Variants in CDK14 observed in about 807,000 individuals in gnomAD.
The protein encoded by CDK14 is cyclin dependent kinase 14.
CDK14 carries 34 observed loss-of-function variants against 60.7 expected under a neutral mutation model. That is an observed-to-expected ratio of 0.56 (90% CI 0.43 to 0.75). The LOEUF is 0.75. CDK14 is among the 30% of genes least tolerant of loss of function. CDK14 has a pLI of 0.00. For synonymous variants in CDK14, 197 were observed against 203.7 expected (o/e 0.97, Z 0.28); for missense variants, 482 against 564.1 (o/e 0.85, Z 1.47).
chr7:91,012,866 T>C (rs187515187), intron 10 of CDK14, among the ~76,000 whole-genome samples: 1 of 152,182 alleles, frequency 6.6e-6, no homozygotes, highest in Admixed American at 6.5e-5. Context: ...AGGGGTAGTG[T>C]GTAAGTGAAA....
chr7:90,942,231 C>G (rs1176678539), intron 8 of CDK14, among the ~76,000 whole-genome samples: 1 of 152,098 alleles, frequency 6.6e-6, no homozygotes, highest in Non-Finnish European at 1.5e-5. Context: ...ACCTGGAATT[C>G]AGGCCCTACA....
chr7:90,913,166 A>G (rs1792962533), intron 7 of CDK14, among the ~76,000 whole-genome samples: 1 of 152,174 alleles, frequency 6.6e-6, no homozygotes, highest in Non-Finnish European at 1.5e-5. Flanking sequence ...ACAACAACCA[A>G]GAGAAGTGAT....
At chr7:90,661,049 C>T (rs1800856800) in intron 2 of CDK14, among the ~76,000 whole-genome samples, 1 of 152,148 alleles carries the variant, frequency 6.6e-6, no homozygotes, top group Non-Finnish European at 1.5e-5. Context: ...GACTGCTTGG[C>T]TTTTAGAGAT....
At chr7:91,060,970 T>C (rs936844746) in intron 11 of CDK14, among the ~76,000 whole-genome samples, 1 of 152,352 alleles carries the variant, frequency 6.6e-6, no homozygotes. Flanking sequence ...GGGGAAGTTC[T>C]CCTGGATAAT....
At chr7:90,626,685 A>T (rs1323287068) in intron 2 of CDK14, among the ~76,000 whole-genome samples, 3 of 152,216 alleles carry the variant, frequency 2.0e-5, no homozygotes, top group Non-Finnish European at 4.4e-5. Context: ...CAGGCCTATA[A>T]TCCTAGGTCT....
At chr7:90,773,801 GTCTTC>G (rs1010685641) in intron 4 of CDK14, among the ~76,000 whole-genome samples, 22 of 149,580 alleles carry the variant, frequency 1.5e-4, no homozygotes, top group East Asian at 1.0e-3. Flanking sequence ...ACTGGCATAG[GTCTTC>G]TCTTCTCTTC....
chr7:91,013,851 G>C (rs1758968658), intron 10 of CDK14, among the ~76,000 whole-genome samples: 1 of 151,804 alleles, frequency 6.6e-6, no homozygotes, highest in Admixed American at 6.6e-5. Context: ...GCACAGGAGG[G>C]AATTCTAGAG....
chr7:90,949,032 C>G (rs576437275), intron 8 of CDK14, among the ~76,000 whole-genome samples: 1 of 151,922 alleles, frequency 6.6e-6, no homozygotes, highest in East Asian at 1.9e-4. Flanking sequence ...TTTTTATTTT[C>G]TATGCAAAAA....
intron 7 of CDK14, among the ~76,000 whole-genome samples, chr7:90,908,344 A>G (rs1242953869): frequency 6.6e-6 from 1 of 152,084 alleles, no homozygotes; most frequent in Non-Finnish European, 1.5e-5. Flanking sequence ...GTTCGTAACA[A>G]TTTGGATCCA....
chr7:90,811,608 T>C (rs1265503015), intron 5 of CDK14, among the ~76,000 whole-genome samples: 3 of 151,248 alleles, frequency 2.0e-5, no homozygotes, highest in Non-Finnish European at 4.4e-5. Context: ...AAAGCCAAAA[T>C]TGACAAATGG....
At chr7:90,764,507 G>A (rs1182296383) in intron 4 of CDK14, among the ~76,000 whole-genome samples, 2 of 152,136 alleles carry the variant, frequency 1.3e-5, no homozygotes, top group Non-Finnish European at 2.9e-5. Context: ...CTACTAGTAG[G>A]AATTGTAACA....
intron 10 of CDK14, among the ~76,000 whole-genome samples, chr7:90,995,100 C>T (rs1408371183): frequency 6.6e-6 from 1 of 152,130 alleles, no homozygotes; most frequent in Admixed American, 6.5e-5. Flanking sequence ...CCTCGTTACT[C>T]ACTTCTAATG....
intron 2 of CDK14, among the ~76,000 whole-genome samples, chr7:90,618,145 T>C (rs750456514): frequency 1.2e-4 from 19 of 152,186 alleles, no homozygotes; most frequent in Admixed American, 6.5e-5. Flanking sequence ...TTTTATTTCA[T>C]ATTATGACAG....
chr7:91,114,883 C>T (rs2116362612), intron 13 of CDK14, among the ~76,000 whole-genome samples: 1 of 152,222 alleles, frequency 6.6e-6, no homozygotes, highest in South Asian at 2.1e-4. Context: ...ACTTTGGAGA[C>T]TTAGGGAATT....
chr7:91,079,282 T>C, intron 11 of CDK14, 150 bp from the exon 12 acceptor site: 1 of 556,982 alleles, frequency 1.8e-6, no homozygotes, highest in South Asian at 2.8e-5. Context: ...TTACTCTTTA[T>C]AACTGCCCAG....
chr7:90,747,266 A>T (rs757937314), intron 3 of CDK14, among the ~76,000 whole-genome samples: 8 of 152,206 alleles, frequency 5.3e-5, no homozygotes, highest in Non-Finnish European at 1.0e-4. Context: ...CCCATGGGCC[A>T]CAGTTTGCCA....
At chr7:90,709,508 A>C (rs1439984647) in intron 2 of CDK14, 1 of 1,609,020 alleles carries the variant, frequency 6.2e-7, no homozygotes, top group Admixed American at 1.7e-5. Flanking sequence ...ATCTTTCTGA[A>C]AAGACAGTGT....
intron 6 of CDK14, among the ~76,000 whole-genome samples, chr7:90,879,007 C>T (rs769825187): frequency 2.0e-5 from 3 of 152,146 alleles, no homozygotes; most frequent in Admixed American, 6.5e-5. Context: ...TATCAGTCTT[C>T]GTAAAAAGAA....
intron 5 of CDK14, among the ~76,000 whole-genome samples, chr7:90,825,986 T>C (rs928433967): frequency 6.6e-6 from 1 of 152,194 alleles, no homozygotes; most frequent in Non-Finnish European, 1.5e-5. Context: ...TAAATTGCTT[T>C]TGCAATTATA....
Sources: allele counts gnomAD v4.1 joint callset (sites outside exome capture counted in the v4.1 genomes callset), GRCh38; gene constraint gnomAD v4.1.1; transcripts MANE v1.5; gene names NCBI Gene and HGNC (gene_info 2026-07-23, HGNC 2026-07-21).